The following ZFHX3 variants were observed in gnomAD, a reference collection of about 807,000 sequenced individuals.
The protein encoded by ZFHX3 is zinc finger homeobox protein 3.
In ZFHX3, 42 loss-of-function variants were observed where a neutral mutation model predicts 279.1. That is an observed-to-expected ratio of 0.15 (90% confidence interval 0.12 to 0.19). The LOEUF is 0.19. Among genes scored for constraint, ZFHX3 ranks in the 10% least tolerant of loss-of-function variants. ZFHX3 has a pLI of 1.00. For synonymous variants in ZFHX3, 2,293 were observed against 1,957.8 expected (o/e 1.17, Z -4.52); for missense variants, 4,981 against 4,754.0 (o/e 1.05, Z -1.40).
In ZFHX3 at chr16:73,506,940, T is replaced by C. The variant is rs114684264; in HGVS notation, c.-1546-50682A>G. Among the ~76,000 whole-genome samples, 285 of 152,336 alleles carry C rather than the reference T, an allele frequency of 1.9e-3. 2 individuals carry two copies. Among genetic ancestry groups the C allele is most frequent in the African/African-American group, 6.3e-3 (264 of 41,588 alleles). Reference sequence around the variant, plus strand: ...AATCCATTCTAAATGGTGCGGCGTGTAATAGACGGTATTACCTCAAGGGCT... The same window carrying C: ...AATCCATTCTAAATGGTGCGGCGTGCAATAGACGGTATTACCTCAAGGGCT... On this transcript the variant is annotated intron_variant, in intron 2 of 17. Transcript: ENST00000641206.
chr16:72,949,362 C>T (rs367553812), intron 3 of ZFHX3, among the ~76,000 whole-genome samples: 4 of 151,932 alleles, frequency 2.6e-5, no homozygotes, highest in Admixed American at 6.6e-5. Flanking sequence ...AAAGAGAGAG[C>T]GAGGGAGTGG....
At position 72,811,878 on chromosome 16, in the gene ZFHX3, C is replaced by G. The variant is rs78527189; in HGVS notation, c.3663+27G>C. 5.9e-4 allele frequency: 959 copies of G among 1,611,992 alleles called. 8 individuals carry two copies. In the African/African-American group the frequency reaches 0.011, roughly 19 times the overall value. On this transcript the variant is annotated intron_variant, in intron 6 of 9. Coordinates refer to ENST00000268489, the MANE Select transcript of ZFHX3 (RefSeq NM_006885.4). Reference sequence around the variant, plus strand: ...CAATGTCTAAAACACCTCACCTCCCCACCAGCAGAGTCCCTTCCAGCCTCA... The same window carrying G: ...CAATGTCTAAAACACCTCACCTCCCGACCAGCAGAGTCCCTTCCAGCCTCA...
chr16:73,058,238 C>G (rs1018489759), intron 1 of ZFHX3, among the ~76,000 whole-genome samples: 1 of 142,614 alleles, frequency 7.0e-6, no homozygotes, highest in African/African-American at 2.5e-5. Context: ...GCGGCCCGGG[C>G]TCGGCGGCGG....
At chr16:73,165,066 T>C (rs997487515) in intron 5 of ZFHX3, among the ~76,000 whole-genome samples, 3 of 152,202 alleles carry the variant, frequency 2.0e-5, no homozygotes, top group South Asian at 4.1e-4. Context: ...ATGCATAAAC[T>C]GCACAGGAAA....
intron 5 of ZFHX3, among the ~76,000 whole-genome samples, chr16:73,151,187 T>A (rs1011531570): frequency 2.0e-5 from 3 of 152,186 alleles, no homozygotes; most frequent in Admixed American, 6.6e-5. Flanking sequence ...AATCCCCAAC[T>A]TTTTTGCATA....
At chr16:73,399,984 C>A (rs1002598398) in intron 3 of ZFHX3, among the ~76,000 whole-genome samples, 6 of 151,848 alleles carry the variant, frequency 4.0e-5, no homozygotes, top group African/African-American at 1.5e-4. Context: ...GACATAGGTG[C>A]TCACACGCAT....
intron 2 of ZFHX3, among the ~76,000 whole-genome samples, chr16:73,523,346 G>T (rs536958611): frequency 6.6e-6 from 1 of 152,260 alleles, no homozygotes; most frequent in Non-Finnish European, 1.5e-5. Flanking sequence ...CGTGGTTTCT[G>T]AACTCATGAC....
At chr16:73,595,978 TTTTATTTTA>T (rs2052045524) in intron 2 of ZFHX3, among the ~76,000 whole-genome samples, 2 of 986 alleles carry the variant, frequency 2.0e-3, no homozygotes, top group Non-Finnish European at 3.5e-3. Flanking sequence ...ACCATTACTT[TTTTATTTTA>T]TTTTATTTTA....
At chr16:73,499,412 C>T (rs957804296) in intron 2 of ZFHX3, 1 of 152,226 alleles carries the variant, frequency 6.6e-6, no homozygotes, top group Non-Finnish European at 1.5e-5. Context: ...CTTTTCCGAA[C>T]AGGTGGCAAC....
chr16:73,417,001 C>G (rs777120276), intron 3 of ZFHX3, among the ~76,000 whole-genome samples: 4 of 151,960 alleles, frequency 2.6e-5, no homozygotes, highest in African/African-American at 7.3e-5. Flanking sequence ...CAGATACCAC[C>G]TTACCCAAGT....
intron 2 of ZFHX3, among the ~76,000 whole-genome samples, chr16:73,550,886 A>G (rs1369303651): frequency 6.6e-6 from 1 of 152,110 alleles, no homozygotes; most frequent in African/African-American, 2.4e-5. Context: ...TATTTTGGGG[A>G]GAGAGGGGAA....
chr16:73,735,913 T>TGTTTGTTTG (rs1567565777), intron 1 of ZFHX3, among the ~76,000 whole-genome samples: 3,129 of 151,960 alleles, frequency 0.021, 153 homozygotes, highest in African/African-American at 0.07. Context: ...TTTTTTTTTT[T>TGTTTGTTTG]TTTAATGCTC....
intron 1 of ZFHX3, among the ~76,000 whole-genome samples, chr16:73,735,752 A>C (rs905714537): frequency 6.6e-6 from 1 of 152,088 alleles, no homozygotes; most frequent in South Asian, 2.1e-4. Context: ...ATCTCATCTC[A>C]TGGCTTTGTA....
Position 73,253,330 on chromosome 16 carries a change from T to C in ZFHX3, c.-1104+3717A>G, listed in dbSNP as rs111816876. ...AGGAGAACAGGGTTGCAATAAAGAC[T>C]GTGAGAAATGAAATCAATGGAAAGA... On this transcript the variant is annotated intron_variant, in intron 5 of 17. Transcript: ENST00000641206. Among the ~76,000 whole-genome samples the C allele has an allele frequency of 6.0e-4, 91 of 152,220 alleles. 1 individual carries two copies. The highest frequency in any genetic ancestry group is 2.2e-3 in the African/African-American group (90 of 41,524).
chr16:72,947,829 T>G (rs1428211633), intron 3 of ZFHX3, among the ~76,000 whole-genome samples: 1 of 152,172 alleles, frequency 6.6e-6, no homozygotes, highest in Non-Finnish European at 1.5e-5. Flanking sequence ...TACATCCAGT[T>G]AACTGTGCTC....
intron 4 of ZFHX3, among the ~76,000 whole-genome samples, chr16:72,834,288 T>C (rs2037132057): frequency 6.6e-6 from 1 of 152,196 alleles, no homozygotes; most frequent in Admixed American, 6.5e-5. Context: ...CACCACCTCC[T>C]TTTTACAACT....
intron 3 of ZFHX3, among the ~76,000 whole-genome samples, chr16:73,411,014 A>G (rs1458101318): frequency 1.3e-5 from 2 of 152,176 alleles, no homozygotes; most frequent in Admixed American, 6.5e-5. Context: ...CTGATACATA[A>G]GATGGATATG....
At chr16:73,020,791 C>T (rs1964271144) in intron 1 of ZFHX3, among the ~76,000 whole-genome samples, 1 of 152,174 alleles carries the variant, frequency 6.6e-6, no homozygotes, top group Non-Finnish European at 1.5e-5. Flanking sequence ...CTGTCTTATC[C>T]TATTCAAATC....
At position 73,090,629 on chromosome 16, in the gene ZFHX3, G is replaced by A. The variant is rs541046145; in HGVS notation, c.-533+2606C>T. The stretch of plus-strand genomic sequence containing the variant: ...GGGTGGGGCGTGGTGGTTCATGCCT[G>A]TAATCCCAGCACTTTGGGAGGCCAA... On this transcript the variant is annotated intron_variant, in intron 8 of 17. Coordinates refer to the ZFHX3 transcript ENST00000641206. 1.3e-3 allele frequency among the ~76,000 whole-genome samples: 191 copies of A among 151,846 alleles called. 1 individual carries two copies. The highest frequency in any genetic ancestry group is 2.3e-3 in the Admixed American group (35 of 15,234).
Sources: gnomAD v4.1 joint callset for allele counts (sites outside exome capture counted in the v4.1 genomes callset) on GRCh38, gnomAD v4.1.1 for gene constraint, MANE v1.5 for transcripts, NCBI Gene and HGNC (gene_info 2026-07-23, HGNC 2026-07-21) for gene names.